Variants in WASF2 observed in about 807,000 individuals in gnomAD.
WASF2 encodes the protein actin-binding protein WASF2.
In WASF2, 14 loss-of-function variants were observed where a neutral mutation model predicts 45.0. The ratio of observed to expected loss-of-function variants is 0.31; its 90% CI spans 0.21 to 0.49. WASF2 has a LOEUF of 0.49. WASF2 is among the 20% of genes least tolerant of loss of function. The pLI, the probability that WASF2 is intolerant of heterozygous loss-of-function variation, is 0.99. For synonymous variants in WASF2, 200 were observed against 236.3 expected, an observed-to-expected ratio of 0.85 and a Z score of 1.41; for missense variants, 439 against 636.1, an observed-to-expected ratio of 0.69 and a Z score of 3.33.
At chr1:27,472,989 A>G (rs2017711930) in intron 1 of WASF2, among the ~76,000 whole-genome samples, 1 of 149,938 alleles carries the variant, frequency 6.7e-6, no homozygotes, top group Admixed American at 6.6e-5. Context: ...AAAAAAAAAA[A>G]GGAAACAAAC....
At chr1:27,428,386 G>GT (rs1320531313) in intron 2 of WASF2, among the ~76,000 whole-genome samples, 5 of 152,224 alleles carry the variant, frequency 3.3e-5, no homozygotes, top group African/African-American at 1.2e-4. Context: ...AACAGCTCGT[G>GT]TAATTACAGG....
At chr1:27,428,256 G>A (rs2017014279) in intron 2 of WASF2, among the ~76,000 whole-genome samples, 1 of 152,226 alleles carries the variant, frequency 6.6e-6, no homozygotes. Context: ...GGACAAGTCA[G>A]TCAGAATCTC....
chr1:27,429,026 A>AC, intron 1 of WASF2, 93 bp from the exon 2 acceptor site: 1 of 1,048,926 alleles, frequency 9.5e-7, no homozygotes, highest in Non-Finnish European at 1.3e-6. Flanking sequence ...TTTTGGTCTT[A>AC]CCCTGATCTA....
At chr1:27,408,367 G>C in intron 8 of WASF2, 21 bp from the exon 9 acceptor site, 1 of 1,614,066 alleles carries the variant, frequency 6.2e-7, no homozygotes, top group Non-Finnish European at 8.5e-7. Flanking sequence ...AGAGACAGAA[G>C]GGTGAGGAAG....
At chr1:27,479,547 A>G (rs1338264123) in intron 1 of WASF2, among the ~76,000 whole-genome samples, 1 of 152,200 alleles carries the variant, frequency 6.6e-6, no homozygotes, top group Non-Finnish European at 1.5e-5. Flanking sequence ...ATCTCTCAGA[A>G]CCAGTTTACT....
chr1:27,488,191 CAT>C lies in WASF2; in HGVS notation c.-44+1793_-44+1794del, dbSNP rs536754297. Among the ~76,000 whole-genome samples, 506 of 152,226 alleles carry C rather than the reference CAT, an allele frequency of 3.3e-3. 1 individual carries two copies. Among genetic ancestry groups the C allele is most frequent in the Non-Finnish European group, 5.5e-3 (376 of 68,032 alleles). ...TTCCAATTTTCTTCTCCACTACTGACATATGAGAACAATACCCATAGCCGTCC... is the reference window on the plus strand; with the variant it reads ...TTCCAATTTTCTTCTCCACTACTGACATGAGAACAATACCCATAGCCGTCC... On this transcript the variant is annotated intron_variant, in intron 1 of 8. Transcript: ENST00000618852.
In WASF2 at chr1:27,425,936, G is replaced by A. The variant is rs536994106; in HGVS notation, c.130+2825C>T. On this transcript the variant is annotated intron_variant, in intron 2 of 8. Transcript: ENST00000618852. ...GCTCAGGCAGGAGAATCACTTGAAC[G>A]CAGAGGCGAAGGCTGCAGGGAGGGA... Among the ~76,000 whole-genome samples the A allele has an allele frequency of 1.1e-4, 16 of 150,208 alleles. No homozygotes were observed. In the South Asian group the frequency reaches 2.9e-3, roughly 28 times the overall value.
At chr1:27,440,315 C>T (rs150764858) in intron 1 of WASF2, among the ~76,000 whole-genome samples, 1,559 of 152,214 alleles carry the variant, frequency 0.01, 16 homozygotes, top group Middle Eastern at 0.02. Context: ...CTTGAGCTCA[C>T]GCTTTTTAGA....
chr1:27,440,300 G>A (rs1007194341), intron 1 of WASF2, among the ~76,000 whole-genome samples: 1 of 152,170 alleles, frequency 6.6e-6, no homozygotes, highest in Non-Finnish European at 1.5e-5. Flanking sequence ...AAGGAGAGTG[G>A]ATCGCTTGAG....
chr1:27,461,582 C>T (rs2017545641), intron 1 of WASF2, among the ~76,000 whole-genome samples: 1 of 151,934 alleles, frequency 6.6e-6, no homozygotes, highest in Non-Finnish European at 1.5e-5. Context: ...CCTGCCTCAG[C>T]CTCCCGAGCA....
chr1:27,426,644 G>C (rs900284762), intron 2 of WASF2, among the ~76,000 whole-genome samples: 11 of 151,862 alleles, frequency 7.2e-5, no homozygotes, highest in African/African-American at 2.4e-4. Context: ...CCGAGTAGCT[G>C]GGATTACAGG....
Position 27,433,402 on chromosome 1 carries a change from T to C in WASF2, c.-43-4469A>G, listed in dbSNP as rs192336450. Among the ~76,000 whole-genome samples, 8 of 152,354 alleles carry C rather than the reference T, an allele frequency of 5.3e-5. No homozygotes were observed. The East Asian group carries it at 1.5e-3, about 29-fold the overall frequency. On this transcript the variant is annotated intron_variant, in intron 1 of 8. Coordinates refer to ENST00000618852, the MANE Select transcript of WASF2 (RefSeq NM_006990.5). Reference sequence around the variant, plus strand: ...TATATTACATATAATGAATGCCTAATGACATTAAGATTTAATTCTTTCATG... The same window carrying C: ...TATATTACATATAATGAATGCCTAACGACATTAAGATTTAATTCTTTCATG...
At chr1:27,489,082 G>C (rs1376804399) in intron 1 of WASF2, among the ~76,000 whole-genome samples, 2 of 151,854 alleles carry the variant, frequency 1.3e-5, no homozygotes, top group Non-Finnish European at 2.9e-5. Flanking sequence ...CTCTTCTCCG[G>C]TTCTATGGAC....
intron 1 of WASF2, among the ~76,000 whole-genome samples, chr1:27,454,185 A>ATTTT (rs1386019208): frequency 5.0e-4 from 4 of 7,954 alleles, no homozygotes; most frequent in African/African-American, 1.3e-3. Context: ...ATATATATAT[A>ATTTT]TATTTTTTTT....
intron 7 of WASF2, among the ~76,000 whole-genome samples, chr1:27,411,745 C>T (rs986789459): frequency 2.0e-5 from 3 of 152,172 alleles, no homozygotes; most frequent in Admixed American, 6.5e-5. Flanking sequence ...TGCCTGTAGT[C>T]CCAGCTACTC....
At chr1:27,437,655 A>G (rs1403819557) in intron 1 of WASF2, among the ~76,000 whole-genome samples, 3 of 152,214 alleles carry the variant, frequency 2.0e-5, no homozygotes, top group African/African-American at 7.2e-5. Context: ...AGTAAAACCC[A>G]TATCACCAAA....
Position 27,412,635 on chromosome 1 carries a change from G to A in WASF2, c.761C>T (p.Ser254Phe). 1 of 1,614,258 alleles carries A rather than the reference G, an allele frequency of 6.2e-7. No individual in the cohort carries two copies. Among genetic ancestry groups the A allele is most frequent in the Non-Finnish European group, 8.5e-7 (1 of 1,180,044 alleles). Residue 254 changes from serine to phenylalanine, a missense_variant, in exon 7 of 9, where the codon TCT (serine) becomes TTT (phenylalanine). Physicochemically the swap from Ser to Phe is radical, Grantham distance 155. Coordinates refer to ENST00000618852, the MANE Select transcript of WASF2 (RefSeq NM_006990.5). ...SSYPPPPQSD[S>F]ASSPSPSFSE... is the part of the protein sequence containing the mutation. ...GAAGGAAGGAGAAGGTGAAGAAGCA[G>A]AGTCTGACTGTGGTGGTGGCGGATA... is the stretch of plus-strand genomic sequence containing the variant.
chr1:27,435,799 T>C (rs778621059), intron 1 of WASF2, among the ~76,000 whole-genome samples: 1 of 152,236 alleles, frequency 6.6e-6, no homozygotes, highest in Non-Finnish European at 1.5e-5. Flanking sequence ...CTGGCTATGT[T>C]TATTACTAGC....
At chr1:27,422,346 G>A (rs570133410) in intron 2 of WASF2, among the ~76,000 whole-genome samples, 3 of 152,064 alleles carry the variant, frequency 2.0e-5, no homozygotes, top group African/African-American at 4.8e-5. Flanking sequence ...TGGGCTGGGC[G>A]CAGTGGCTCA....
Sources: allele counts gnomAD v4.1 joint callset (sites outside exome capture counted in the v4.1 genomes callset), GRCh38; gene constraint gnomAD v4.1.1; transcripts MANE v1.5; gene names NCBI Gene and HGNC (gene_info 2026-07-23, HGNC 2026-07-21).